The following CD33 variants were observed in gnomAD, a reference collection of about 807,000 sequenced individuals.
CD33 encodes the protein myeloid cell surface antigen CD33.
In CD33, 25 loss-of-function variants were observed where a neutral mutation model predicts 31.4. The observed-to-expected ratio is 0.80, with a 90% confidence interval of 0.58 to 1.11. The LOEUF is 1.11. CD33 is among the 50% of genes most tolerant of loss of function. The pLI is 0.00. For synonymous variants in CD33, 176 were observed against 180.6 expected (o/e 0.97, Z 0.20); for missense variants, 407 against 448.1 (o/e 0.91, Z 0.83).
intron 4 of CD33, 131 bp downstream of exon 4, chr19:51,226,487 C>A: frequency 1.4e-6 from 1 of 731,748 alleles, no homozygotes; most frequent in East Asian, 2.6e-5. Flanking sequence ...ACATCAGGCA[C>A]CTTGGAAAAG....
chr19:51,216,266 G>GTGTGTT, the CD33 span, among the ~76,000 whole-genome samples: 1 of 143,562 alleles, frequency 7.0e-6, no homozygotes, highest in African/African-American at 2.5e-5. Flanking sequence ...GTGTGTGTGT[G>GTGTGTT]TTTCTTGTAT....
chr19:51,229,903 G>C (rs1007385699), intron 4 of CD33, among the ~76,000 whole-genome samples: 1 of 151,066 alleles, frequency 6.6e-6, no homozygotes, highest in African/African-American at 2.4e-5. Flanking sequence ...CTTTCATTGT[G>C]CTGATTTTGG....
At chr19:51,227,703 A>T (rs990106852) in intron 4 of CD33, among the ~76,000 whole-genome samples, 17 of 152,132 alleles carry the variant, frequency 1.1e-4, no homozygotes, top group African/African-American at 4.1e-4. Context: ...TCCTTTCTGC[A>T]TAGAAGCTTT....
the CD33 span, chr19:51,211,624 G>A: frequency 2.1e-6 from 3 of 1,405,972 alleles, no homozygotes; most frequent in Admixed American, 2.3e-5. Flanking sequence ...CACAAGGGAA[G>A]GTCAAAGGGA....
rs1215977648 is a variant in CD33 at position 51,225,402 on chromosome 19, C to T, written c.222C>T (p.Ala74=). ...GAIISRDSPV[A]TNKLDQEVQE... is the part of the protein sequence containing the mutation. Reference sequence around the variant, plus strand: ...TTATATCCAGGGACTCTCCAGTGGCCACAAACAAGCTAGATCAAGAAGTAC... The same window carrying T: ...TTATATCCAGGGACTCTCCAGTGGCTACAAACAAGCTAGATCAAGAAGTAC... The change falls in exon 2 of 7, where the codon GCC becomes GCT. Residue 74 remains alanine (A), a synonymous_variant. Transcript: ENST00000262262. The T allele has an allele frequency of 6.2e-7, 1 of 1,614,034 alleles. No individual in the cohort carries two copies. The highest frequency in any genetic ancestry group is 8.5e-7 in the Non-Finnish European group (1 of 1,180,028).
At position 51,226,066 on chromosome 19, in the gene CD33, C is replaced by T; in HGVS notation, c.682C>T (p.Gln228Ter). 6.2e-7 allele frequency: 1 copy of T among 1,613,984 alleles called. No homozygotes were observed. Among genetic ancestry groups the T allele is most frequent in the Admixed American group, 1.7e-5 (1 of 60,016 alleles). The change falls in exon 3 of 7, where the codon CAG (glutamine) becomes TAG (stop). Residue 228 changes from glutamine (Q) to a stop codon, truncating the protein, a stop_gained. Coordinates refer to ENST00000262262, the MANE Select transcript of CD33 (RefSeq NM_001772.4). LOFTEE classifies it high-confidence loss of function. ...GAGVTTERTI[Q>*]LNVTYVPQNP... ...TGGTGTGACTACGGAGAGAACCATC[C>T]AGCTCAACGTCACCTGTAAGTGCTG...
At chr19:51,228,857 T>A (rs1981218126) in intron 4 of CD33, among the ~76,000 whole-genome samples, 1 of 152,186 alleles carries the variant, frequency 6.6e-6, no homozygotes, top group Non-Finnish European at 1.5e-5. Flanking sequence ...GCAGAGACAA[T>A]TTGACTTCCG....
intron 5 of CD33, 91 bp from the exon 6 acceptor site, chr19:51,235,504 T>C: frequency 2.0e-6 from 3 of 1,494,244 alleles, no homozygotes; most frequent in South Asian, 2.7e-5. Context: ...AATCCCACCC[T>C]TTACCTGCCA....
intron 6 of CD33, 125 bp downstream of exon 6, chr19:51,235,801 T>C: frequency 1.2e-6 from 1 of 839,764 alleles, no homozygotes; most frequent in South Asian, 1.4e-5. Context: ...TGTTTAACAG[T>C]GTAGGTTTTA....
At chr19:51,217,941 G>A in the CD33 span, among the ~76,000 whole-genome samples, 3 of 152,122 alleles carry the variant, frequency 2.0e-5, no homozygotes, top group African/African-American at 7.2e-5. Context: ...ATCATCCATG[G>A]ATAAGCATTA....
Position 51,226,007 on chromosome 19 carries a change from C to G in CD33, c.623C>G (p.Thr208Ser). 1 of 1,614,104 alleles carries G rather than the reference C, an allele frequency of 6.2e-7. No individual in the cohort carries two copies. Among genetic ancestry groups the G allele is most frequent in the Non-Finnish European group, 8.5e-7 (1 of 1,179,996 alleles). Residue 208 changes from threonine to serine, a missense_variant, in exon 3 of 7, where the codon ACC becomes AGC. By Grantham distance (58) the Thr-to-Ser change is moderately conservative. Transcript: ENST00000262262. Reference sequence around the variant, plus strand: ...ACCCCACGGCCCCAGGACCACGGCACCAACCTGACCTGTCAGGTGAAGTTC... The same window carrying G: ...ACCCCACGGCCCCAGGACCACGGCAGCAACCTGACCTGTCAGGTGAAGTTC... Reference protein sequence around the residue: ...IITPRPQDHGTNLTCQVKFAG... With the variant: ...IITPRPQDHGSNLTCQVKFAG...
rs1982004372 is a variant in CD33, at chr19:51,239,242, A to C, written c.925-276A>C. On this transcript the variant is annotated intron_variant, in intron 6 of 6. Coordinates refer to ENST00000262262, the MANE Select transcript of CD33 (RefSeq NM_001772.4). ...AGTTTCCTGGTCTGTAAAATGGATT[A>C]AAATAATAGATGCCAAAGATGATGT... is the stretch of plus-strand genomic sequence containing the variant. The C allele has an allele frequency of 1.1e-5, 3 of 263,688 alleles. No individual in the cohort carries two copies. In the Admixed American group the frequency reaches 1.6e-4, roughly 14 times the overall value. 16.3% of individuals were successfully genotyped at this position (263,688 alleles called of 1,614,324 possible).
rs1347213065 is a variant in CD33, at chr19:51,235,438, G to A, written c.843-157G>A. 4.4e-6 allele frequency: 6 copies of A among 1,369,808 alleles called. No individual in the cohort carries two copies. The East Asian group carries it at 1.3e-4, about 29-fold the overall frequency. 84.9% of individuals were successfully genotyped at this position (1,369,808 alleles called of 1,614,324 possible). A position where few individuals can be genotyped will look rare whatever the true frequency, so the allele number is the denominator to read the frequency against. The stretch of plus-strand genomic sequence containing the variant: ...AGGGCCCTGATCTCAGATGTCCAAG[G>A]AGTGGGAGGTAGAGGGAGACCTTGT... On this transcript the variant is annotated intron_variant, in intron 5 of 6. Transcript: ENST00000262262.
the CD33 span, among the ~76,000 whole-genome samples, chr19:51,215,403 G>A: frequency 1.7e-3 from 264 of 152,202 alleles, 2 homozygotes; most frequent in Middle Eastern, 6.8e-3. Context: ...CCTTTGCAGC[G>A]CACAGGGAGG....
intron 4 of CD33, among the ~76,000 whole-genome samples, chr19:51,228,119 C>A (rs1981163626): frequency 6.6e-6 from 1 of 152,090 alleles, no homozygotes; most frequent in South Asian, 2.1e-4. Context: ...GTTACTACAG[C>A]TTTGTAGTTT....
chr19:51,224,368 T>C (rs946481110), upstream of CD33, among the ~76,000 whole-genome samples: 2 of 152,134 alleles, frequency 1.3e-5, no homozygotes, highest in African/African-American at 2.4e-5. Context: ...TGTATGAGGG[T>C]GAAGTTTGGC....
At chr19:51,218,737 C>T in the CD33 span, among the ~76,000 whole-genome samples, 1 of 152,168 alleles carries the variant, frequency 6.6e-6, no homozygotes, top group Non-Finnish European at 1.5e-5. Context: ...CATTATTCTG[C>T]ACATGGCTAT....
At chr19:51,211,526 G>A in the CD33 span, 17 of 1,529,752 alleles carry the variant, frequency 1.1e-5, no homozygotes, top group East Asian at 2.3e-5. Flanking sequence ...TACTTCTTTC[G>A]GATGGAGAGA....
At chr19:51,218,156 C>T in the CD33 span, among the ~76,000 whole-genome samples, 3 of 152,210 alleles carry the variant, frequency 2.0e-5, no homozygotes, top group African/African-American at 7.2e-5. Context: ...ACTGTATAAG[C>T]ATTTCCTGTT....
Sources: gnomAD v4.1 joint callset for allele counts (sites outside exome capture counted in the v4.1 genomes callset) on GRCh38, gnomAD v4.1.1 for gene constraint, MANE v1.5 for transcripts, NCBI Gene and HGNC (gene_info 2026-07-23, HGNC 2026-07-21) for gene names.